The following ACOXL variants were observed in gnomAD, a reference collection of about 807,000 sequenced individuals.
ACOXL encodes the protein acyl-coenzyme A oxidase-like protein.
A neutral mutation model predicts 71.9 loss-of-function variants in ACOXL; 70 were observed. The ratio of observed to expected loss-of-function variants is 0.97; its 90% CI spans 0.80 to 1.19. The LOEUF (loss-of-function observed/expected upper bound fraction) is 1.19. ACOXL is among the 50% of genes most tolerant of loss of function. The probability of loss-of-function intolerance (pLI) is 0.00; values close to 1 mark genes in which losing one functional copy is unlikely to be tolerated. For synonymous variants in ACOXL, 253 were observed against 281.6 expected, an observed-to-expected ratio of 0.90 and a Z score of 1.02; for missense variants, 703 against 736.3, an observed-to-expected ratio of 0.95 and a Z score of 0.52.
At chr2:110,841,070 CTG>C (rs1691113253) in intron 9 of ACOXL, among the ~76,000 whole-genome samples, 1 of 152,222 alleles carries the variant, frequency 6.6e-6, no homozygotes, top group African/African-American at 2.4e-5. Flanking sequence ...CCTTTCACAA[CTG>C]TGTCTTGGAG....
intron 10 of ACOXL, among the ~76,000 whole-genome samples, chr2:110,897,773 CAG>C (rs375683416): frequency 3.9e-5 from 6 of 152,048 alleles, no homozygotes; most frequent in African/African-American, 1.4e-4. Context: ...AAATGGAAAA[CAG>C]AACAATAGAG....
intron 14 of ACOXL, among the ~76,000 whole-genome samples, chr2:111,026,389 G>A (rs555851651): frequency 1.2e-4 from 18 of 151,936 alleles, no homozygotes; most frequent in African/African-American, 4.1e-4. Context: ...TAGCAATATC[G>A]AGTTCTCTGA....
intron 14 of ACOXL, among the ~76,000 whole-genome samples, chr2:111,019,728 C>T (rs2064653615): frequency 6.6e-6 from 1 of 152,240 alleles, no homozygotes; most frequent in Non-Finnish European, 1.5e-5. Context: ...GCTTGGAAGA[C>T]AGCGTGCGTG....
chr2:111,090,165 A>T (rs946794991), intron 16 of ACOXL, among the ~76,000 whole-genome samples: 1 of 152,186 alleles, frequency 6.6e-6, no homozygotes, highest in Non-Finnish European at 1.5e-5. Context: ...AGCTAATATC[A>T]TACAGTGTGT....
intron 15 of ACOXL, among the ~76,000 whole-genome samples, chr2:111,039,853 C>G (rs1210074637): frequency 6.6e-6 from 1 of 152,166 alleles, no homozygotes; most frequent in Non-Finnish European, 1.5e-5. Context: ...GATTAAAGTG[C>G]ACGAATCATG....
chr2:111,003,822 G>A (rs1574455826), intron 14 of ACOXL, among the ~76,000 whole-genome samples: 1 of 152,196 alleles, frequency 6.6e-6, no homozygotes, highest in East Asian at 1.9e-4. Flanking sequence ...GTTTTCTAGG[G>A]CCTGGAAGGG....
intron 12 of ACOXL, among the ~76,000 whole-genome samples, chr2:110,941,187 A>G (rs2060855428): frequency 6.6e-6 from 1 of 152,220 alleles, no homozygotes; most frequent in Non-Finnish European, 1.5e-5. Context: ...CTTTATGTGC[A>G]GAACAGTGTA....
chr2:110,994,531 G>T (rs1402940602), intron 13 of ACOXL, among the ~76,000 whole-genome samples: 1 of 152,114 alleles, frequency 6.6e-6, no homozygotes, highest in Non-Finnish European at 1.5e-5. Context: ...GGGAGGGCAA[G>T]AGGTGGCTGT....
At chr2:110,746,853 A>AG (rs1369741419) in intron 1 of ACOXL, among the ~76,000 whole-genome samples, 1 of 151,234 alleles carries the variant, frequency 6.6e-6, no homozygotes, top group Non-Finnish European at 1.5e-5. Flanking sequence ...GAACCAAAAA[A>AG]GTTTAGTCTA....
At chr2:110,920,538 C>G (rs908593817) in intron 11 of ACOXL, among the ~76,000 whole-genome samples, 4 of 152,164 alleles carry the variant, frequency 2.6e-5, no homozygotes, top group African/African-American at 9.6e-5. Context: ...TTAAAATTCT[C>G]TTAAGAGTGC....
At chr2:110,812,241 A>C (rs1687423308) in intron 9 of ACOXL, among the ~76,000 whole-genome samples, 1 of 152,222 alleles carries the variant, frequency 6.6e-6, no homozygotes, top group Admixed American at 6.5e-5. Flanking sequence ...TAAAATGGTT[A>C]AATAATGTTT....
chr2:110,768,595 C>G (rs1173827501), intron 2 of ACOXL, 131 bp downstream of exon 2: 2 of 789,066 alleles, frequency 2.5e-6, no homozygotes, highest in African/African-American at 3.5e-5. Flanking sequence ...AGGTTTGTTA[C>G]ATGGGTAAAT....
intron 2 of ACOXL, among the ~76,000 whole-genome samples, 200 bp downstream of exon 2, chr2:110,768,664 A>G (rs1328509644): frequency 2.6e-5 from 4 of 151,914 alleles, no homozygotes; most frequent in Non-Finnish European, 5.9e-5. Context: ...TGGGCACTGA[A>G]CTCACGATAG....
intron 5 of ACOXL, among the ~76,000 whole-genome samples, chr2:110,795,311 T>G (rs1685159062): frequency 6.6e-6 from 1 of 152,170 alleles, no homozygotes; most frequent in South Asian, 2.1e-4. Context: ...CCTTCTGCCC[T>G]GATGTTAGTT....
chr2:110,756,529 A>G (rs1005860981), intron 1 of ACOXL, among the ~76,000 whole-genome samples: 1 of 152,162 alleles, frequency 6.6e-6, no homozygotes, highest in African/African-American at 2.4e-5. Flanking sequence ...GATTTCTTGG[A>G]TTAAAATTAT....
chr2:111,047,866 G>A (rs2066092387), intron 15 of ACOXL, among the ~76,000 whole-genome samples: 1 of 152,210 alleles, frequency 6.6e-6, no homozygotes, highest in Admixed American at 6.5e-5. Flanking sequence ...ACTGGATAGA[G>A]CAAAATTTAA....
chr2:111,098,713 G>A (rs999728592), intron 17 of ACOXL: 2 of 152,094 alleles, frequency 1.3e-5, no homozygotes, highest in South Asian at 2.1e-4. Context: ...GAGAACTCTT[G>A]TTATCTTTGA....
chr2:110,872,357 GCT>G (rs1482558289), intron 10 of ACOXL, among the ~76,000 whole-genome samples: 1 of 152,192 alleles, frequency 6.6e-6, no homozygotes, highest in Admixed American at 6.5e-5. Flanking sequence ...GAAATTTGTG[GCT>G]CCCTTGAATT....
At chr2:110,847,717 G>A (rs971800582) in intron 10 of ACOXL, among the ~76,000 whole-genome samples, 6 of 152,296 alleles carry the variant, frequency 3.9e-5, no homozygotes, top group Non-Finnish European at 7.4e-5. Context: ...TATAGTCACC[G>A]GCCCCGTAAG....
Sources: gnomAD v4.1 joint callset for allele counts (sites outside exome capture counted in the v4.1 genomes callset) on GRCh38, gnomAD v4.1.1 for gene constraint, MANE v1.5 for transcripts, NCBI Gene and HGNC (gene_info 2026-07-23, HGNC 2026-07-21) for gene names.